Variants in TNC observed in about 807,000 individuals in gnomAD.
TNC encodes the protein tenascin C, also known as tenascin.
Under a neutral mutation model 202.4 loss-of-function variants are expected in TNC, and 109 were observed. The ratio of observed to expected loss-of-function variants is 0.54; its 90% CI spans 0.46 to 0.63. The LOEUF (loss-of-function observed/expected upper bound fraction) is 0.63, where lower values mean the gene tolerates loss of function less well. Ranked by LOEUF, TNC falls within the 30% of genes least tolerant of loss-of-function variation. The pLI is 0.00. For synonymous variants in TNC, 1,007 were observed against 1,089.7 expected (o/e 0.92, Z 1.50); for missense variants, 2,756 against 2,833.3 (o/e 0.97, Z 0.62).
At chr9:115,096,563 T>A (rs1039776722) in intron 1 of TNC, among the ~76,000 whole-genome samples, 5 of 152,212 alleles carry the variant, frequency 3.3e-5, no homozygotes, top group African/African-American at 1.2e-4. Flanking sequence ...TAAGAAAGTT[T>A]CAATGTTGTT....
chr9:115,082,252 T>C (rs1249705322), intron 5 of TNC, among the ~76,000 whole-genome samples: 1 of 152,146 alleles, frequency 6.6e-6, no homozygotes, highest in Non-Finnish European at 1.5e-5. Flanking sequence ...AGTAGGGTGA[T>C]TGTTGGATAG....
intron 1 of TNC, 23 bp from the exon 2 acceptor site, chr9:115,091,177 A>G: frequency 1.6e-6 from 1 of 621,942 alleles, no homozygotes. Context: ...ATGAACAAAA[A>G]AATTATGAGT....
At chr9:115,029,204 A>G (rs947950476) in intron 25 of TNC, among the ~76,000 whole-genome samples, 156 bp downstream of exon 25, 3 of 152,152 alleles carry the variant, frequency 2.0e-5, no homozygotes, top group Non-Finnish European at 4.4e-5. Flanking sequence ...TTTAAATGAT[A>G]GTCTTTTTCA....
intron 19 of TNC, among the ~76,000 whole-genome samples, chr9:115,039,957 G>T (rs187744594): frequency 6.8e-4 from 103 of 152,368 alleles, no homozygotes; most frequent in Non-Finnish European, 1.1e-3. Flanking sequence ...TTCAGGCTAT[G>T]AGGATATTTT....
chr9:115,095,154 A>T (rs561877358), intron 1 of TNC, among the ~76,000 whole-genome samples: 12 of 152,076 alleles, frequency 7.9e-5, no homozygotes, highest in African/African-American at 1.2e-4. Flanking sequence ...GTCATCAATA[A>T]ATGTGTTAAG....
At position 115,026,705 on chromosome 9, in the gene TNC, A is replaced by T. The variant is rs1347015127; in HGVS notation, c.6170-10T>A. 2 of 1,613,188 alleles carry T rather than the reference A, an allele frequency of 1.2e-6. No homozygotes were observed. The highest frequency in any genetic ancestry group is 2.7e-5 in the African/African-American group (2 of 74,896). ...TTCAGGTTGTCCAGCCCTGTGGATG[A>T]CAGGCAAGGGTTGCTAAGAAGCACA... is the stretch of plus-strand genomic sequence containing the variant. On this transcript the variant is annotated splice_polypyrimidine_tract_variant and intron_variant, in intron 25 of 27. Transcript: ENST00000350763.
Position 115,046,456 on chromosome 9 carries a change from T to C in TNC, c.5079A>G (p.Ile1693Met). 1 of 1,614,188 alleles carries C rather than the reference T, an allele frequency of 6.2e-7. No homozygotes were observed. The highest frequency in any genetic ancestry group is 8.5e-7 in the Non-Finnish European group (1 of 1,180,000). Reference sequence around the variant, plus strand: ...CTGTCTGGGATCGCCTTCCTTTGCTTATTCCATAGAGTTCAATTTCGTATT... The same window carrying C: ...CTGTCTGGGATCGCCTTCCTTTGCTCATTCCATAGAGTTCAATTTCGTATT... ...ATEYEIELYG[I>M]SKGRRSQTVS... The change falls in exon 17 of 28, where the codon ATA (isoleucine) becomes ATG (methionine). Residue 1693 changes from isoleucine (I) to methionine (M), a missense_variant. Ile to Met is a conservative substitution (Grantham distance 10). This residue lies in a region of TNC where 2,559 missense variants were observed against 2,546.0 expected (regional missense o/e 1.01). Transcript: ENST00000350763.
intron 1 of TNC, among the ~76,000 whole-genome samples, chr9:115,113,560 G>A (rs1412323712): frequency 1.3e-5 from 2 of 152,074 alleles, no homozygotes; most frequent in Non-Finnish European, 2.9e-5. Context: ...GGTGAACAAC[G>A]GTCAATTCTG....
chr9:115,091,189 TCTA>T, intron 1 of TNC, 35 bp from the exon 2 acceptor site: 1 of 607,612 alleles, frequency 1.6e-6, no homozygotes, highest in East Asian at 2.8e-5. Flanking sequence ...ATTATGAGTA[TCTA>T]CTATTGAATA....
At position 115,031,378 on chromosome 9, in the gene TNC, C is replaced by T. The variant is rs79003972; in HGVS notation, c.5920+175G>A. ...GATGGGCTTCCTCCTTTCCTTTCAC[C>T]GGGATGCTCATAATCTCCCACATTT... On this transcript the variant is annotated intron_variant, in intron 23 of 27. Transcript: ENST00000350763. Among the ~76,000 whole-genome samples, 10,603 of 152,224 alleles carry T rather than the reference C, an allele frequency of 0.07. 453 individuals carry two copies. Among genetic ancestry groups the T allele is most frequent in the East Asian group, 0.11 (572 of 5,178 alleles).
Position 115,062,947 on chromosome 9 carries a change from T to C in TNC, c.4003A>G (p.Thr1335Ala), listed in dbSNP as rs760332462. 1.9e-6 allele frequency: 3 copies of C among 1,613,848 alleles called. No homozygotes were observed. The highest frequency in any genetic ancestry group is 2.5e-6 in the Non-Finnish European group (3 of 1,179,926). The change falls in exon 13 of 28, where the codon ACT becomes GCT. Residue 1335 changes from threonine (T) to alanine (A), a missense_variant. This residue lies in a region of TNC where 2,559 missense variants were observed against 2,546.0 expected (regional missense o/e 1.01). Transcript: ENST00000350763. Reference sequence around the variant, plus strand: ...ACGACCTCTACAGCAAGGGGTCGAGTGCTGTGGCCCCTGACCTCGCCGTGC... The same window carrying C: ...ACGACCTCTACAGCAAGGGGTCGAGCGCTGTGGCCCCTGACCTCGCCGTGC... ...TLHGEVRGHS[T>A]RPLAVEVVTE...
rs138738463 is a variant in TNC at position 115,063,159 on chromosome 9, A to G, written c.3791T>C (p.Val1264Ala). 6.2e-6 allele frequency: 10 copies of G among 1,614,072 alleles called. No homozygotes were observed. In the African/African-American group the frequency reaches 1.2e-4, roughly 19 times the overall value. Residue 1264 changes from valine (V) to alanine (A), a missense_variant, in exon 13 of 28, where the codon GTG becomes GCG. Coordinates refer to ENST00000350763, the MANE Select transcript of TNC (RefSeq NM_002160.4). ...EEVPDMGNLT[V>A]TEVSWDALRL... ...GAGAGCATCCCAGCTAACCTCGGTC[A>G]CTGTGAGGTTTCCCATATCTGGAAC...
rs1428913162 is a variant in TNC, at chr9:115,048,510, G to A, written c.4602C>T (p.Asn1534=). The A allele has an allele frequency of 2.5e-6, 4 of 1,613,276 alleles. No individual in the cohort carries two copies. In the Admixed American group the frequency reaches 6.7e-5, roughly 27 times the overall value. ...AGGGATTAATGTCGGAAATGGTTAG[G>A]TTTTCCAGAAGGGGCAGGGCCTCTG... ...ATTEALPLLE[N]LTISDINPYG... is the part of the protein sequence containing the mutation. Residue 1534 remains asparagine (N), a synonymous_variant, in exon 16 of 28, where the codon AAC becomes AAT. Transcript: ENST00000350763.
chr9:115,049,401 G>T (rs1044890807), intron 15 of TNC, among the ~76,000 whole-genome samples: 1 of 151,994 alleles, frequency 6.6e-6, no homozygotes, highest in Admixed American at 6.6e-5. Context: ...GATACAGTAA[G>T]GTAGATATTG....
chr9:115,087,747 G>A (rs1224794159), intron 2 of TNC, among the ~76,000 whole-genome samples: 2 of 144,950 alleles, frequency 1.4e-5, no homozygotes, highest in East Asian at 4.0e-4. Context: ...TGTCGCCCAG[G>A]CTGGAGTGCA....
rs1243361462 is a variant in TNC, at chr9:115,026,618, C to T, written c.6247G>A (p.Ala2083Thr). 1.9e-6 allele frequency: 3 copies of T among 1,613,912 alleles called. No homozygotes were observed. In the East Asian group the frequency reaches 6.7e-5, roughly 36 times the overall value. The change falls in exon 26 of 28, where the codon GCC becomes ACC. Residue 2083 changes from alanine to threonine, a missense_variant. Physicochemically the swap from Ala to Thr is moderately conservative, Grantham distance 58 (BLOSUM62 0). This residue lies in a region of TNC where 197 missense variants were observed against 287.3 expected (regional missense o/e 0.69). Transcript: ENST00000350763. ...CTGAACTTGTCATAGACAGCAAAGG[C>T]TGTCTCCCCATGGTCCCGCAGGTCC... ...RVDLRDHGET[A>T]FAVYDKFSVG...
chr9:115,080,166 A>G (rs1015980554), intron 6 of TNC, among the ~76,000 whole-genome samples: 1 of 152,196 alleles, frequency 6.6e-6, no homozygotes, highest in African/African-American at 2.4e-5. Flanking sequence ...GCAACTTCAA[A>G]TGTTGGAATG....
chr9:115,101,315 G>A (rs1445921865), intron 1 of TNC, among the ~76,000 whole-genome samples: 2 of 152,174 alleles, frequency 1.3e-5, no homozygotes, highest in African/African-American at 4.8e-5. Flanking sequence ...AGGTTCAAGC[G>A]ATTCTCTTGT....
chr9:115,031,446 T>C (rs1374580296), intron 23 of TNC, 107 bp downstream of exon 23: 1 of 1,278,208 alleles, frequency 7.8e-7, no homozygotes, highest in East Asian at 2.8e-5. Context: ...ATCGATTCTT[T>C]TCAGAGGTTT....
Sources: allele counts gnomAD v4.1 joint callset (sites outside exome capture counted in the v4.1 genomes callset), GRCh38; gene constraint gnomAD v4.1.1; regional missense constraint gnomAD v4.1.1; transcripts MANE v1.5; gene names NCBI Gene and HGNC (gene_info 2026-07-23, HGNC 2026-07-21).